The following DNAAF8 variants were observed in gnomAD, a reference collection of about 807,000 sequenced individuals.
DNAAF8 encodes dynein axonemal assembly factor 8, also known as dynein axonemal-associated protein 1.
DNAAF8 carries 61 observed loss-of-function variants against 54.6 expected under a neutral mutation model. The ratio of observed to expected loss-of-function variants is 1.12; its 90% CI spans 0.91 to 1.38. DNAAF8 has a LOEUF of 1.38. Among genes scored for constraint, DNAAF8 ranks in the 40% most tolerant of loss-of-function variants. DNAAF8 has a pLI of 0.00. For missense variants in DNAAF8, 837 were observed against 665.0 expected, an observed-to-expected ratio of 1.26 and a Z score of -2.85; for synonymous variants, 320 against 270.1, an observed-to-expected ratio of 1.18 and a Z score of -1.81.
At position 4,736,471 on chromosome 16, in the gene DNAAF8, C is replaced by T. The variant is rs756087861; in HGVS notation, c.-44C>T. On this transcript the variant is annotated 5_prime_UTR_variant, in exon 2 of 10. Coordinates refer to ENST00000299320, the MANE Select transcript of DNAAF8 (RefSeq NM_139170.3). Reference sequence around the variant, plus strand: ...ACCCTGTGTACCCCACAGAGCTCCCCGGATTATGGTGCACTGAGAAGGCAT... The same window carrying T: ...ACCCTGTGTACCCCACAGAGCTCCCTGGATTATGGTGCACTGAGAAGGCAT... The T allele has an allele frequency of 3.4e-6, 5 of 1,468,070 alleles. No homozygotes were observed. The highest frequency in any genetic ancestry group is 5.1e-5 in the East Asian group (2 of 39,220). 90.9% of individuals were successfully genotyped at this position (1,468,070 alleles called of 1,614,324 possible). A position where few individuals can be genotyped will look rare whatever the true frequency, so the allele number is the denominator to read the frequency against.
chr16:4,741,220 C>G (rs551046021), intron 4 of DNAAF8, among the ~76,000 whole-genome samples: 1 of 128,668 alleles, frequency 7.8e-6, no homozygotes, highest in Non-Finnish European at 1.6e-5. Flanking sequence ...GGTGACAGAG[C>G]GAGACTCCAT....
rs747146385 is a variant in DNAAF8 at position 4,736,559 on chromosome 16, C to G, written c.45C>G (p.Pro15=). 6.3e-7 allele frequency: 1 copy of G among 1,588,412 alleles called. No homozygotes were observed. The change falls in exon 2 of 10, where the codon CCC becomes CCG. Residue 15 remains proline (P), a synonymous_variant. Coordinates refer to ENST00000299320, the MANE Select transcript of DNAAF8 (RefSeq NM_139170.3). ...GCATGGCACCCTCGCTGGGCTCTCCCTGGGCCTCCCAGATGGGGCCCTGGG... is the reference window on the plus strand; with the variant it reads ...GCATGGCACCCTCGCTGGGCTCTCCGTGGGCCTCCCAGATGGGGCCCTGGG... ...DKGMAPSLGS[P]WASQMGPWDA...
intron 3 of DNAAF8, among the ~76,000 whole-genome samples, chr16:4,738,747 G>T (rs1023851973): frequency 6.6e-6 from 1 of 152,154 alleles, no homozygotes; most frequent in Non-Finnish European, 1.5e-5. Flanking sequence ...GCTGGGCATG[G>T]TGGCAGGTGC....
rs192580420 is a variant in DNAAF8, at chr16:4,747,518, C to A, written c.1456C>A (p.Gln486Lys). 194 of 1,613,176 alleles carry A rather than the reference C, an allele frequency of 1.2e-4. 1 individual carries two copies. The highest frequency in any genetic ancestry group is 8.5e-7 in the Non-Finnish European group (1 of 1,179,914). ...ACACATGAAGCTCTGTGCCAAGGGG[C>A]AGAGCGCCCAGGCTCGACTCCCAAG... Reference protein sequence around the residue: ...KQHMKLCAKGQSAQARLPRGR... With the variant: ...KQHMKLCAKGKSAQARLPRGR... Residue 486 changes from glutamine to lysine, a missense_variant, in exon 9 of 10, where the codon CAG becomes AAG. Transcript: ENST00000299320.
rs758813266 is a variant in DNAAF8, at chr16:4,740,482, G to A, written c.606G>A (p.Glu202=). The A allele has an allele frequency of 1.2e-6, 2 of 1,613,986 alleles. No individual in the cohort carries two copies. Among genetic ancestry groups the A allele is most frequent in the African/African-American group, 1.3e-5 (1 of 74,924 alleles). ...ESVNRRALRQ[E]RRKMIETDIL... Reference sequence around the variant, plus strand: ...TGAACCGCCGGGCCCTCCGACAGGAGAGAAGGAAGATGATAGAGACGGACA... The same window carrying A: ...TGAACCGCCGGGCCCTCCGACAGGAAAGAAGGAAGATGATAGAGACGGACA... Residue 202 remains glutamate (E), a synonymous_variant, in exon 4 of 10, where the codon GAG becomes GAA. Coordinates refer to ENST00000299320, the MANE Select transcript of DNAAF8 (RefSeq NM_139170.3).
At position 4,743,134 on chromosome 16, in the gene DNAAF8, G is replaced by C. The variant is rs139659285; in HGVS notation, c.875G>C (p.Trp292Ser). The C allele has an allele frequency of 3.0e-4, 490 of 1,609,184 alleles. No homozygotes were observed. Among genetic ancestry groups the C allele is most frequent in the Non-Finnish European group, 4.0e-4 (475 of 1,177,844 alleles). Reference sequence around the variant, plus strand: ...AATCGTGCACCTGGAACTGTGTGGTGGGCAGCTGACCACCGCCAAGTTCAA... The same window carrying C: ...AATCGTGCACCTGGAACTGTGTGGTCGGCAGCTGACCACCGCCAAGTTCAA... ...QGNRAPGTVW[W>S]AADHRQVQDR... The change falls in exon 5 of 10, where the codon TGG becomes TCG. Residue 292 changes from tryptophan to serine, a missense_variant. Transcript: ENST00000299320.
At chr16:4,741,538 G>T (rs564722430) in intron 4 of DNAAF8, among the ~76,000 whole-genome samples, 2 of 151,980 alleles carry the variant, frequency 1.3e-5, no homozygotes, top group African/African-American at 4.8e-5. Context: ...GATGGCTCAC[G>T]CTTGTAATCC....
At position 4,743,017 on chromosome 16, in the gene DNAAF8, A is replaced by C. The variant is rs118084425; in HGVS notation, c.784-26A>C. 5,065 of 1,553,740 alleles carry C rather than the reference A, an allele frequency of 3.3e-3. 18 individuals carry two copies. The highest frequency in any genetic ancestry group is 3.8e-3 in the Non-Finnish European group (4,250 of 1,126,310). The stretch of plus-strand genomic sequence containing the variant: ...GCCTCTGGGACCCCTCAGCATCCTC[A>C]TAATCACTGGTTTTAATGATTTCAG... On this transcript the variant is annotated intron_variant, in intron 4 of 9. Transcript: ENST00000299320.
In DNAAF8 at chr16:4,737,659, T is replaced by C. The variant is rs536287380; in HGVS notation, c.130-141T>C. 45 of 1,082,080 alleles carry C rather than the reference T, an allele frequency of 4.2e-5. No homozygotes were observed. The East Asian group carries it at 7.4e-4, about 18-fold the overall frequency. The allele number at this position is 1,082,080 out of a possible 1,614,324, so 67.0% of individuals were successfully genotyped here. A position where few individuals can be genotyped will look rare whatever the true frequency, so the allele number is the denominator to read the frequency against. On this transcript the variant is annotated intron_variant, in intron 2 of 9. Transcript: ENST00000299320. ...GAGAACCGGATCTCCCCCAGGCTCC[T>C]GAGCAGCAGGGCTGGACGGGCTGGA... is the stretch of plus-strand genomic sequence containing the variant.
chr16:4,735,750 G>C (rs1456800647), intron 1 of DNAAF8, among the ~76,000 whole-genome samples: 1 of 152,140 alleles, frequency 6.6e-6, no homozygotes, highest in Admixed American at 6.5e-5. Flanking sequence ...TTGAGGCCAG[G>C]AGTTTGAGAC....
At chr16:4,746,793 G>T in intron 7 of DNAAF8, 134 bp from the exon 8 acceptor site, 1 of 866,452 alleles carries the variant, frequency 1.2e-6, no homozygotes. Flanking sequence ...CTGGCAGGAC[G>T]TCCACCGGCC....
rs924805393 is a variant in DNAAF8 at position 4,747,681 on chromosome 16, A to T, written c.*9+47A>T. 9.8e-6 allele frequency: 15 copies of T among 1,529,714 alleles called. No individual in the cohort carries two copies. In the Admixed American group the frequency reaches 2.6e-4, roughly 27 times the overall value. 94.8% of individuals were successfully genotyped at this position (1,529,714 alleles called of 1,614,324 possible). Reference sequence around the variant, plus strand: ...GCAGGGGCGGGCTGACTTGCCATGGACCCTGGGCCCCGGTGTCCCCTTGTT... The same window carrying T: ...GCAGGGGCGGGCTGACTTGCCATGGTCCCTGGGCCCCGGTGTCCCCTTGTT... On this transcript the variant is annotated intron_variant, in intron 9 of 9. Coordinates refer to ENST00000299320, the MANE Select transcript of DNAAF8 (RefSeq NM_139170.3).
Position 4,747,006 on chromosome 16 carries a change from C to T in DNAAF8, c.1261C>T (p.Pro421Ser). The T allele has an allele frequency of 6.5e-7, 1 of 1,535,022 alleles. No homozygotes were observed. Among genetic ancestry groups the T allele is most frequent in the Non-Finnish European group, 8.7e-7 (1 of 1,144,954 alleles). Reference sequence around the variant, plus strand: ...TCTGGGAGACGCAGAGGGGGCATCTCCTTCCTCCCTGGGGCTACGGTAACC... The same window carrying T: ...TCTGGGAGACGCAGAGGGGGCATCTTCTTCCTCCCTGGGGCTACGGTAACC... ...AALGDAEGAS[P>S]SSLGLRTCTG... Residue 421 changes from proline (P) to serine (S), a missense_variant, in exon 8 of 10, where the codon CCT (proline) becomes TCT (serine). By Grantham distance (74) the Pro-to-Ser change is moderately conservative. Transcript: ENST00000299320.
chr16:4,741,559 G>C (rs905931709), intron 4 of DNAAF8, among the ~76,000 whole-genome samples: 16 of 152,158 alleles, frequency 1.1e-4, no homozygotes, highest in Non-Finnish European at 2.4e-4. Flanking sequence ...CAGCACTTTG[G>C]GAAGCCAAGG....
At chr16:4,738,101 A>C in intron 3 of DNAAF8, 155 bp downstream of exon 3, 4 of 943,420 alleles carry the variant, frequency 4.2e-6, no homozygotes, top group East Asian at 2.7e-5. Flanking sequence ...GATGCCCAAC[A>C]TCTAACCTCC....
chr16:4,738,101 A>G (rs1411589601), intron 3 of DNAAF8, 155 bp downstream of exon 3: 2 of 943,422 alleles, frequency 2.1e-6, no homozygotes, highest in Admixed American at 2.9e-5. Flanking sequence ...GATGCCCAAC[A>G]TCTAACCTCC....
Position 4,744,840 on chromosome 16 carries a change from C to T in DNAAF8, c.902-30C>T, listed in dbSNP as rs781074383. ...AAGTCACAAGTGGGCCAAGTCCCCA[C>T]TAATCAGCCTCTCCTTTGGCCATCC... On this transcript the variant is annotated intron_variant, in intron 5 of 9. Coordinates refer to ENST00000299320, the MANE Select transcript of DNAAF8 (RefSeq NM_139170.3). The T allele has an allele frequency of 6.9e-6, 11 of 1,600,100 alleles. No individual in the cohort carries two copies. The Admixed American group carries it at 1.3e-4, about 19-fold the overall frequency.
chr16:4,740,605 A>G lies in DNAAF8; in HGVS notation c.729A>G (p.Arg243=). ...GCCACGCTGCGGAGTCAGCTCCCAG[A>G]TCCAAAATGCCCCTCGTGGAGCCTC... ...APCHAAESAP[R]SKMPLVEPPE... Residue 243 remains arginine, a synonymous_variant, in exon 4 of 10, where the codon AGA becomes AGG. Transcript: ENST00000299320. The G allele has an allele frequency of 1.2e-6, 2 of 1,612,714 alleles. No homozygotes were observed. The highest frequency in any genetic ancestry group is 1.7e-6 in the Non-Finnish European group (2 of 1,179,976).
At chr16:4,742,679 C>T (rs2081971098) in intron 4 of DNAAF8, among the ~76,000 whole-genome samples, 1 of 152,060 alleles carries the variant, frequency 6.6e-6, no homozygotes. Flanking sequence ...GAGCTCGCAC[C>T]ACTACACTCC....
Sources: allele counts gnomAD v4.1 joint callset (sites outside exome capture counted in the v4.1 genomes callset), GRCh38; gene constraint gnomAD v4.1.1; transcripts MANE v1.5; gene names NCBI Gene and HGNC (gene_info 2026-07-23, HGNC 2026-07-21).